ZNF804B: variants seen among roughly 807,000 people sequenced by gnomAD.
ZNF804B encodes the protein zinc finger 804B.
A neutral mutation model predicts 101.4 loss-of-function variants in ZNF804B; 80 were observed. That is an observed-to-expected ratio of 0.79 (90% CI 0.66 to 0.95). ZNF804B has a LOEUF of 0.95. Ranked by LOEUF, ZNF804B falls within the 40% of genes least tolerant of loss-of-function variation. The probability of loss-of-function intolerance (pLI) is 0.00; values close to 1 mark genes in which losing one functional copy is unlikely to be tolerated. For synonymous variants in ZNF804B, 622 were observed against 558.8 expected (o/e 1.11, Z -1.59); for missense variants, 1,673 against 1,561.9 (o/e 1.07, Z -1.20).
chr7:89,067,975 A>G (rs904011934), intron 1 of ZNF804B, among the ~76,000 whole-genome samples: 1 of 151,282 alleles, frequency 6.6e-6, no homozygotes, highest in Non-Finnish European at 1.5e-5. Context: ...CGCCCAAACT[A>G]TGCTATCTTT....
chr7:89,091,365 A>G (rs1052377439), intron 1 of ZNF804B, among the ~76,000 whole-genome samples: 1 of 152,214 alleles, frequency 6.6e-6, no homozygotes, highest in African/African-American at 2.4e-5. Flanking sequence ...ACAAATATGT[A>G]GTAACAGGTG....
At chr7:89,310,598 A>G (rs533399315) in intron 2 of ZNF804B, among the ~76,000 whole-genome samples, 3 of 152,324 alleles carry the variant, frequency 2.0e-5, no homozygotes, top group South Asian at 2.1e-4. Context: ...CTTTGCAGGT[A>G]TGTTCAAACT....
chr7:89,327,202 C>A, intron 2 of ZNF804B, 142 bp from the exon 3 acceptor site: 1 of 698,974 alleles, frequency 1.4e-6, no homozygotes, highest in Non-Finnish European at 2.1e-6. Context: ...CAGAGAATAG[C>A]AACAATGGAG....
At chr7:88,943,774 G>A (rs1428593598) in intron 1 of ZNF804B, among the ~76,000 whole-genome samples, 3 of 151,794 alleles carry the variant, frequency 2.0e-5, no homozygotes, top group Non-Finnish European at 4.4e-5. Context: ...GGAAAACACA[G>A]ATCTGATTTC....
chr7:88,893,717 G>T (rs1792246324), intron 1 of ZNF804B, among the ~76,000 whole-genome samples: 1 of 152,146 alleles, frequency 6.6e-6, no homozygotes, highest in Non-Finnish European at 1.5e-5. Flanking sequence ...GAAAAGCTGT[G>T]TGTCACAATG....
At chr7:89,002,498 A>T (rs13239686) in intron 1 of ZNF804B, among the ~76,000 whole-genome samples, 1 of 151,890 alleles carries the variant, frequency 6.6e-6, no homozygotes, top group African/African-American at 2.4e-5. Flanking sequence ...TTTATCTATA[A>T]CAAGCCAATT....
intron 1 of ZNF804B, among the ~76,000 whole-genome samples, chr7:88,782,102 CGTGT>C (rs72225764): frequency 0.11 from 14,962 of 141,958 alleles, 1,099 homozygotes; most frequent in East Asian, 0.32. Context: ...TGTGTGAGTG[CGTGT>C]GTGTGTGTGT....
intron 2 of ZNF804B, among the ~76,000 whole-genome samples, chr7:89,288,387 A>T (rs1226011864): frequency 6.6e-6 from 1 of 152,172 alleles, no homozygotes; most frequent in South Asian, 2.1e-4. Flanking sequence ...CTGATAAAAT[A>T]TATTATCTCA....
intron 2 of ZNF804B, among the ~76,000 whole-genome samples, chr7:89,256,001 C>T (rs944756517): frequency 6.6e-6 from 1 of 151,826 alleles, no homozygotes; most frequent in East Asian, 1.9e-4. Flanking sequence ...AACATAATGA[C>T]CTGATTGCAA....
chr7:88,998,848 A>G (rs571801709), intron 1 of ZNF804B, among the ~76,000 whole-genome samples: 8 of 152,158 alleles, frequency 5.3e-5, no homozygotes, highest in South Asian at 4.1e-4. Context: ...GGCCTCCTTA[A>G]TGAGCCTGCA....
At chr7:89,321,554 C>T (rs997775287) in intron 2 of ZNF804B, among the ~76,000 whole-genome samples, 12 of 151,460 alleles carry the variant, frequency 7.9e-5, no homozygotes, top group Admixed American at 4.0e-4. Flanking sequence ...CATAGGTAGA[C>T]GTAACTAAAT....
intron 1 of ZNF804B, among the ~76,000 whole-genome samples, chr7:89,022,348 A>G (rs372616221): frequency 6.6e-6 from 1 of 152,198 alleles, no homozygotes; most frequent in African/African-American, 2.4e-5. Flanking sequence ...TTAAATAGGT[A>G]TGTTTTAAAT....
chr7:89,176,591 C>CTTTTTTTTTT (rs35866405), intron 1 of ZNF804B, among the ~76,000 whole-genome samples: 19 of 71,934 alleles, frequency 2.6e-4, no homozygotes, highest in East Asian at 1.4e-3. Context: ...TTCTTTCTTT[C>CTTTTTTTTTT]TTTTTTTTTT....
At chr7:89,065,486 A>G (rs959286721) in intron 1 of ZNF804B, among the ~76,000 whole-genome samples, 7 of 151,980 alleles carry the variant, frequency 4.6e-5, no homozygotes, top group Admixed American at 1.3e-4. Context: ...AGAACCCCTC[A>G]CCAGTATGGG....
chr7:89,006,975 G>A (rs562202952), intron 1 of ZNF804B, among the ~76,000 whole-genome samples: 4 of 152,086 alleles, frequency 2.6e-5, no homozygotes, highest in Admixed American at 2.6e-4. Flanking sequence ...GATGAAGTGC[G>A]TGTTGGCCTC....
intron 1 of ZNF804B, among the ~76,000 whole-genome samples, chr7:88,984,873 T>A (rs181082927): frequency 1.2e-3 from 178 of 151,988 alleles, no homozygotes; most frequent in Middle Eastern, 6.8e-3. Context: ...GATTGTATAT[T>A]TTTTTTAATC....
At position 88,970,817 on chromosome 7, in the gene ZNF804B, G is replaced by A. The variant is rs1312400132; in HGVS notation, c.108+210733G>A. ...GGAACATCATACACCGGGGACTGTT[G>A]TGGGGTGGGGGGAGGGGGGAGGGAT... On this transcript the variant is annotated intron_variant, in intron 1 of 3. Transcript: ENST00000333190. Among the ~76,000 whole-genome samples, 5 of 117,244 alleles carry A rather than the reference G, an allele frequency of 4.3e-5. No homozygotes were observed. In the Admixed American group the frequency reaches 5.1e-4, roughly 12 times the overall value. The allele number at this position is 117,244 out of a possible 152,430, so 76.9% of individuals were successfully genotyped here.
intron 1 of ZNF804B, among the ~76,000 whole-genome samples, chr7:88,870,837 G>C (rs1048564831): frequency 2.0e-5 from 3 of 152,020 alleles, no homozygotes; most frequent in Admixed American, 1.3e-4. Flanking sequence ...CTCTAAACTA[G>C]GATATTATTT....
intron 1 of ZNF804B, among the ~76,000 whole-genome samples, chr7:88,787,840 A>G (rs1014342668): frequency 6.6e-6 from 1 of 152,188 alleles, no homozygotes; most frequent in Non-Finnish European, 1.5e-5. Flanking sequence ...TGATAGAAAC[A>G]TGACATAACT....
Sources: gnomAD v4.1 joint callset for allele counts (sites outside exome capture counted in the v4.1 genomes callset) on GRCh38, gnomAD v4.1.1 for gene constraint, MANE v1.5 for transcripts, NCBI Gene and HGNC (gene_info 2026-07-23, HGNC 2026-07-21) for gene names.